The following ESRRG variants were observed in gnomAD, a reference collection of about 807,000 sequenced individuals.
ESRRG encodes the protein estrogen-related receptor gamma.
In ESRRG, 13 loss-of-function variants were observed where a neutral mutation model predicts 44.0. That is an observed-to-expected ratio of 0.30 (90% CI 0.19 to 0.47). ESRRG has a LOEUF of 0.47. Ranked by LOEUF, ESRRG falls within the 20% of genes least tolerant of loss-of-function variation. The pLI, the probability that ESRRG is intolerant of heterozygous loss-of-function variation, is 1.00. For synonymous variants in ESRRG, 215 were observed against 214.6 expected, an observed-to-expected ratio of 1.00 and a Z score of -0.02; for missense variants, 395 against 580.6, an observed-to-expected ratio of 0.68 and a Z score of 3.29.
chr1:216,590,130 C>T (rs1209851531), intron 3 of ESRRG, among the ~76,000 whole-genome samples: 1 of 151,868 alleles, frequency 6.6e-6, no homozygotes, highest in African/African-American at 2.4e-5. Flanking sequence ...TTCAATATCA[C>T]AGATCCTTAT....
At chr1:216,768,480 A>G (rs5021798) in intron 2 of ESRRG, among the ~76,000 whole-genome samples, 113 of 150,206 alleles carry the variant, frequency 7.5e-4, no homozygotes, top group East Asian at 2.2e-3. Context: ...CTATCTATCT[A>G]TCTATCTATC....
At chr1:216,969,509 T>C (rs2150271339) in intron 1 of ESRRG, among the ~76,000 whole-genome samples, 1 of 152,322 alleles carries the variant, frequency 6.6e-6, no homozygotes, top group South Asian at 2.1e-4. Context: ...TTACCTTCAG[T>C]ACTTAGTAAA....
intron 2 of ESRRG, among the ~76,000 whole-genome samples, chr1:216,779,494 TTATA>T (rs368551045): frequency 2.2e-4 from 1 of 4,608 alleles, no homozygotes; most frequent in African/African-American, 1.1e-3. Flanking sequence ...AAATATATAT[TTATA>T]TATAAATATA....
At chr1:217,034,522 G>T (rs142015351) in intron 1 of ESRRG, among the ~76,000 whole-genome samples, 1 of 152,120 alleles carries the variant, frequency 6.6e-6, no homozygotes, top group Non-Finnish European at 1.5e-5. Flanking sequence ...AACCACTGGC[G>T]GACCTGGCCT....
At chr1:216,640,442 T>A (rs1401401664) in intron 3 of ESRRG, among the ~76,000 whole-genome samples, 2 of 151,018 alleles carry the variant, frequency 1.3e-5, no homozygotes, top group East Asian at 3.9e-4. Flanking sequence ...TGCAGACAGC[T>A]TGCCTTAGGG....
chr1:216,801,946 G>C (rs151097532), intron 2 of ESRRG, among the ~76,000 whole-genome samples: 90 of 152,252 alleles, frequency 5.9e-4, no homozygotes, highest in African/African-American at 2.0e-3. Flanking sequence ...CAGATGGAAA[G>C]CAGAGAACAT....
intron 5 of ESRRG, among the ~76,000 whole-genome samples, chr1:216,530,134 G>A (rs6669134): frequency 0.27 from 32,205 of 118,602 alleles, 4,566 homozygotes; most frequent in Non-Finnish European, 0.31. Context: ...AAAAAAAAAA[G>A]GGGGTGGGGG....
chr1:216,650,584 G>A (rs988543455), intron 3 of ESRRG, among the ~76,000 whole-genome samples: 2 of 151,864 alleles, frequency 1.3e-5, no homozygotes, highest in Admixed American at 6.6e-5. Flanking sequence ...AACAAAGAGT[G>A]CTTTAAACCC....
At chr1:216,886,533 C>A (rs2096520451) in intron 2 of ESRRG, among the ~76,000 whole-genome samples, 1 of 152,190 alleles carries the variant, frequency 6.6e-6, no homozygotes. Context: ...GCAATACCAA[C>A]ATCATAATCC....
chr1:216,776,151 G>T (rs567833698), intron 2 of ESRRG, among the ~76,000 whole-genome samples: 1 of 152,074 alleles, frequency 6.6e-6, no homozygotes, highest in South Asian at 2.1e-4. Flanking sequence ...GTGCTTTTTG[G>T]TCTGGCCTGA....
chr1:217,026,910 C>G (rs200718247), intron 1 of ESRRG, among the ~76,000 whole-genome samples: 16,561 of 92,618 alleles, frequency 0.18, 1,130 homozygotes, highest in East Asian at 0.39. Flanking sequence ...CACACACACA[C>G]ACAGAGAGAG....
At chr1:216,526,814 G>T (rs988535241) in intron 5 of ESRRG, among the ~76,000 whole-genome samples, 9 of 152,080 alleles carry the variant, frequency 5.9e-5, no homozygotes, top group Non-Finnish European at 1.5e-5. Context: ...CCATGGACTG[G>T]GAGTAAATAG....
intron 1 of ESRRG, among the ~76,000 whole-genome samples, chr1:217,051,072 T>C (rs1374754456): frequency 6.6e-6 from 1 of 151,900 alleles, no homozygotes; most frequent in Non-Finnish European, 1.5e-5. Flanking sequence ...AAGAAAGGTT[T>C]TGTGAAAGAC....
intron 2 of ESRRG, among the ~76,000 whole-genome samples, chr1:216,938,633 T>A (rs1436103077): frequency 6.6e-6 from 1 of 152,228 alleles, no homozygotes; most frequent in African/African-American, 2.4e-5. Context: ...TTCAAAAATA[T>A]GCCTTACTCC....
At chr1:216,938,091 C>G (rs949136853) in intron 2 of ESRRG, among the ~76,000 whole-genome samples, 17 of 152,212 alleles carry the variant, frequency 1.1e-4, no homozygotes, top group African/African-American at 4.1e-4. Context: ...CATTACAAAG[C>G]AGACGTGTTC....
chr1:216,948,491 AAAAAG>A (rs1403883415), intron 1 of ESRRG, among the ~76,000 whole-genome samples: 1 of 151,558 alleles, frequency 6.6e-6, no homozygotes, highest in South Asian at 2.1e-4. Flanking sequence ...AAAAAAAAAA[AAAAAG>A]AAAGAAAGAA....
chr1:216,534,594 G>GT (rs1313649406), intron 5 of ESRRG, among the ~76,000 whole-genome samples: 1 of 152,148 alleles, frequency 6.6e-6, no homozygotes, highest in Non-Finnish European at 1.5e-5. Context: ...AACGTTTGTA[G>GT]TTCACATGTA....
intron 3 of ESRRG, among the ~76,000 whole-genome samples, chr1:216,633,516 T>C (rs758577377): frequency 1.3e-5 from 2 of 152,204 alleles, no homozygotes; most frequent in Non-Finnish European, 2.9e-5. Context: ...TACATAGATA[T>C]TATGTACACA....
At chr1:216,560,689 G>T (rs989912278) in intron 5 of ESRRG, among the ~76,000 whole-genome samples, 2 of 152,088 alleles carry the variant, frequency 1.3e-5, no homozygotes, top group African/African-American at 4.8e-5. Flanking sequence ...CCATTACTTG[G>T]CAACCCATTC....
Sources: allele counts gnomAD v4.1 joint callset (sites outside exome capture counted in the v4.1 genomes callset), GRCh38; gene constraint gnomAD v4.1.1; transcripts MANE v1.5; gene names NCBI Gene and HGNC (gene_info 2026-07-23, HGNC 2026-07-21).